Variants in ROR1 observed in about 807,000 individuals in gnomAD.
ROR1 encodes ROR family WNT receptor 1.
A neutral mutation model predicts 78.8 loss-of-function variants in ROR1; 19 were observed. The ratio of observed to expected loss-of-function variants is 0.24; its 90% CI spans 0.17 to 0.35. The LOEUF (loss-of-function observed/expected upper bound fraction) is 0.35. Among genes scored for constraint, ROR1 ranks in the 10% least tolerant of loss-of-function variants. The probability of loss-of-function intolerance (pLI) is 1.00; values close to 1 mark genes in which losing one functional copy is unlikely to be tolerated. For synonymous variants in ROR1, 386 were observed against 433.6 expected (o/e 0.89, Z 1.36); for missense variants, 917 against 1,177.8 (o/e 0.78, Z 3.24).
At chr1:64,105,706 G>A (rs1647771446) in intron 4 of ROR1, 1 of 152,156 alleles carries the variant, frequency 6.6e-6, no homozygotes, top group South Asian at 2.1e-4. Context: ...AACATTTAAT[G>A]AATAGGAGAT....
intron 4 of ROR1, chr1:64,111,095 C>T (rs146029930): frequency 6.6e-6 from 1 of 152,200 alleles, no homozygotes; most frequent in East Asian, 1.9e-4. Context: ...CCTGGCATCA[C>T]CTAGAGATTT....
At chr1:64,059,725 A>AG (rs1390686833) in intron 4 of ROR1, among the ~76,000 whole-genome samples, 1 of 151,534 alleles carries the variant, frequency 6.6e-6, no homozygotes, top group Non-Finnish European at 1.5e-5. Flanking sequence ...AAAAAAAAAA[A>AG]AGAGATGTCT....
chr1:64,177,284 G>A (rs1650408504), intron 8 of ROR1, 144 bp from the exon 9 acceptor site: 5 of 651,844 alleles, frequency 7.7e-6, no homozygotes, highest in East Asian at 5.5e-5. Flanking sequence ...TGCAGCCAAC[G>A]ATTTGAAAGA....
At chr1:64,071,854 A>C (rs1223209909) in intron 4 of ROR1, among the ~76,000 whole-genome samples, 1 of 152,150 alleles carries the variant, frequency 6.6e-6, no homozygotes, top group African/African-American at 2.4e-5. Flanking sequence ...GCAATTAGCC[A>C]TGTTCTAGGA....
chr1:63,949,149 A>C (rs956800841), intron 1 of ROR1, among the ~76,000 whole-genome samples: 1 of 152,188 alleles, frequency 6.6e-6, no homozygotes, highest in African/African-American at 2.4e-5. Context: ...TAAAGAAGGC[A>C]GGAGTGAGTG....
At chr1:64,163,673 A>C (rs1015064716) in intron 8 of ROR1, among the ~76,000 whole-genome samples, 21 of 152,052 alleles carry the variant, frequency 1.4e-4, no homozygotes, top group Admixed American at 7.2e-4. Flanking sequence ...CAGACAATTC[A>C]TCTCTCCGTT....
chr1:63,793,735 G>A (rs913134046), intron 1 of ROR1, among the ~76,000 whole-genome samples: 1 of 152,228 alleles, frequency 6.6e-6, no homozygotes, highest in Non-Finnish European at 1.5e-5. Flanking sequence ...CGGTCACTTG[G>A]TGATGACTGG....
intron 1 of ROR1, among the ~76,000 whole-genome samples, chr1:64,005,269 C>T (rs1646418905): frequency 6.6e-6 from 1 of 152,138 alleles, no homozygotes; most frequent in Non-Finnish European, 1.5e-5. Context: ...GTCTTTTGGT[C>T]CATTAGTTAA....
Position 64,142,584 on chromosome 1 carries a change from G to A in ROR1, c.1108G>A (p.Glu370Lys), listed in dbSNP as rs911808808. The A allele has an allele frequency of 6.2e-7, 1 of 1,614,012 alleles. No homozygotes were observed. Among genetic ancestry groups the A allele is most frequent in the Non-Finnish European group, 8.5e-7 (1 of 1,180,044 alleles). The change falls in exon 7 of 9, where the codon GAA becomes AAA. Residue 370 changes from glutamate to lysine, a missense_variant. Glu to Lys is a moderately conservative substitution (Grantham distance 56). This residue lies in a region of ROR1 where 835 missense variants were observed against 1,069.8 expected (regional missense o/e 0.78). Transcript: ENST00000371079. ...SYCRNPGNQKEAPWCFTLDEN... is the reference protein window; with the variant it reads ...SYCRNPGNQKKAPWCFTLDEN... The stretch of plus-strand genomic sequence containing the variant: ...CTGCCGCAACCCAGGGAATCAAAAG[G>A]AAGCTCCCTGGTGCTTCACCTTGGA...
chr1:64,148,581 C>T (rs1649538222), intron 7 of ROR1, among the ~76,000 whole-genome samples: 1 of 152,180 alleles, frequency 6.6e-6, no homozygotes, highest in Non-Finnish European at 1.5e-5. Flanking sequence ...CTAAAAGAAG[C>T]ATAGGCCTAA....
chr1:63,845,166 A>T (rs1157283351), intron 1 of ROR1, among the ~76,000 whole-genome samples: 1 of 152,236 alleles, frequency 6.6e-6, no homozygotes, highest in Non-Finnish European at 1.5e-5. Context: ...GGGCTTCTAC[A>T]TATATTTATA....
chr1:63,894,148 A>T (rs1412304129), intron 1 of ROR1, among the ~76,000 whole-genome samples: 1 of 152,158 alleles, frequency 6.6e-6, no homozygotes, highest in Admixed American at 6.5e-5. Context: ...TAAGTGACTC[A>T]TGGGCAGGTA....
At chr1:63,894,237 A>G (rs1302081367) in intron 1 of ROR1, among the ~76,000 whole-genome samples, 1 of 152,166 alleles carries the variant, frequency 6.6e-6, no homozygotes, top group Non-Finnish European at 1.5e-5. Flanking sequence ...CCAAGATTTC[A>G]TTATGCTACT....
chr1:63,915,729 A>G (rs930366360), intron 1 of ROR1, among the ~76,000 whole-genome samples: 4 of 152,002 alleles, frequency 2.6e-5, no homozygotes, highest in African/African-American at 9.7e-5. Context: ...GTTTGGAAGC[A>G]TTTTTGATTT....
intron 7 of ROR1, among the ~76,000 whole-genome samples, chr1:64,144,813 A>G (rs1249332935): frequency 6.6e-6 from 1 of 152,192 alleles, no homozygotes; most frequent in Non-Finnish European, 1.5e-5. Context: ...CAGGTAAACA[A>G]TAAATATATA....
At chr1:63,877,646 T>TTGC (rs1312369380) in intron 1 of ROR1, among the ~76,000 whole-genome samples, 2 of 152,116 alleles carry the variant, frequency 1.3e-5, no homozygotes, top group Non-Finnish European at 2.9e-5. Flanking sequence ...GTAAATAGCA[T>TTGC]TGCTTCTTAC....
chr1:63,777,210 T>TA (rs1302923567), intron 1 of ROR1, among the ~76,000 whole-genome samples: 1 of 152,152 alleles, frequency 6.6e-6, no homozygotes, highest in African/African-American at 2.4e-5. Flanking sequence ...CTCAAAATCT[T>TA]ATAGATTCTG....
chr1:63,797,808 G>A (rs2100249038), intron 1 of ROR1, among the ~76,000 whole-genome samples: 1 of 151,430 alleles, frequency 6.6e-6, no homozygotes, highest in East Asian at 1.9e-4. Context: ...TTAAATTTAG[G>A]GACACCTTTG....
intron 1 of ROR1, among the ~76,000 whole-genome samples, chr1:63,946,730 T>C (rs1645892644): frequency 6.6e-6 from 1 of 152,212 alleles, no homozygotes. Flanking sequence ...CTCTTTCTTC[T>C]ACATCCAGGC....
Sources: allele counts gnomAD v4.1 joint callset (sites outside exome capture counted in the v4.1 genomes callset), GRCh38; gene constraint gnomAD v4.1.1; regional missense constraint gnomAD v4.1.1; transcripts MANE v1.5; gene names NCBI Gene and HGNC (gene_info 2026-07-23, HGNC 2026-07-21).